IL1RAP: variants seen among roughly 807,000 people sequenced by gnomAD.
The protein encoded by IL1RAP is interleukin-1 receptor accessory protein.
A neutral mutation model predicts 60.7 loss-of-function variants in IL1RAP; 35 were observed. The ratio of observed to expected loss-of-function variants is 0.58; its 90% CI spans 0.44 to 0.76. The LOEUF is 0.76. Ranked by LOEUF, IL1RAP falls within the 30% of genes least tolerant of loss-of-function variation. IL1RAP has a pLI of 0.00. For synonymous variants in IL1RAP, 268 were observed against 250.9 expected (o/e 1.07, Z -0.64); for missense variants, 572 against 693.9 (o/e 0.82, Z 1.97).
chr3:190,618,544 C>T (rs1413299724), intron 5 of IL1RAP, among the ~76,000 whole-genome samples: 2 of 152,136 alleles, frequency 1.3e-5, no homozygotes, highest in South Asian at 2.1e-4. Flanking sequence ...CGTATTTAGT[C>T]TGATCTGTCT....
At chr3:190,603,907 C>A (rs770374167) in intron 3 of IL1RAP, among the ~76,000 whole-genome samples, 3 of 152,152 alleles carry the variant, frequency 2.0e-5, no homozygotes, top group Non-Finnish European at 4.4e-5. Context: ...CAGATCAAAT[C>A]ATTATTCAAG....
At chr3:190,629,887 G>C (rs1732636223) in intron 9 of IL1RAP, 1 of 977,820 alleles carries the variant, frequency 1.0e-6, no homozygotes, top group Admixed American at 6.0e-5. Flanking sequence ...ATTCATGGTA[G>C]ACTTCAAGAG....
Position 190,527,684 on chromosome 3 carries a change from A to ATTT in IL1RAP, c.-89+13482_-89+13484dup, listed in dbSNP as rs58914187. Among the ~76,000 whole-genome samples, 875 of 112,902 alleles carry ATTT rather than the reference A, an allele frequency of 7.8e-3. 21 individuals are homozygous for ATTT. Among genetic ancestry groups the ATTT allele is most frequent in the African/African-American group, 0.023 (688 of 29,922 alleles). 74.1% of individuals were successfully genotyped at this position (112,902 alleles called of 152,430 possible). A position where few individuals can be genotyped will look rare whatever the true frequency, so the allele number is the denominator to read the frequency against. ...GGGAACCAATATGGTGCTTGTTTACATTTTTTTTTTTTTTTTTTTGCTTTT... is the reference window on the plus strand; with the variant it reads ...GGGAACCAATATGGTGCTTGTTTACATTTTTTTTTTTTTTTTTTTTTTGCTTTT... On this transcript the variant is annotated intron_variant, in intron 1 of 11. Coordinates refer to ENST00000447382, the MANE Select transcript of IL1RAP (RefSeq NM_002182.4).
rs542988409 is a variant in IL1RAP at position 190,576,502 on chromosome 3, G to A, written c.64+12149G>A. Among the ~76,000 whole-genome samples, 340 of 152,222 alleles carry A rather than the reference G, an allele frequency of 2.2e-3. 1 individual carries two copies. Among genetic ancestry groups the A allele is most frequent in the Non-Finnish European group, 4.1e-3 (280 of 67,998 alleles). The stretch of plus-strand genomic sequence containing the variant: ...AGTCTAAAAAGAAGCTCAAGTTAAC[G>A]AGTGACAAAATAGATTCAAACTAAA... On this transcript the variant is annotated intron_variant, in intron 3 of 11. Transcript: ENST00000447382.
chr3:190,593,798 G>A (rs1469125254), intron 3 of IL1RAP, among the ~76,000 whole-genome samples: 2 of 152,058 alleles, frequency 1.3e-5, no homozygotes, highest in Non-Finnish European at 2.9e-5. Flanking sequence ...TTTGGGTGGG[G>A]ACACAGTCAA....
Position 190,620,460 on chromosome 3 carries a change from A to G in IL1RAP, c.703+20A>G, listed in dbSNP as rs186226422. On this transcript the variant is annotated intron_variant, in intron 6 of 11. Transcript: ENST00000447382. ...TAGTAGGTAAGCATGATTAGTGTCCAGTACACACAACAAGCATGTGATCAT... is the reference window on the plus strand; with the variant it reads ...TAGTAGGTAAGCATGATTAGTGTCCGGTACACACAACAAGCATGTGATCAT... 2 of 1,590,604 alleles carry G rather than the reference A, an allele frequency of 1.3e-6. No individual in the cohort carries two copies. Among genetic ancestry groups the G allele is most frequent in the African/African-American group, 1.4e-5 (1 of 73,854 alleles).
rs77244306 is a variant in IL1RAP, at chr3:190,594,417, G to A, written c.65-9711G>A. ...TTAGGGTGTGGTCCTCATTCTTACC[G>A]TTCATTATGTAGCGCCAGCTATCAT... On this transcript the variant is annotated intron_variant, in intron 3 of 11. Coordinates refer to ENST00000447382, the MANE Select transcript of IL1RAP (RefSeq NM_002182.4). Among the ~76,000 whole-genome samples, 433 of 152,242 alleles carry A rather than the reference G, an allele frequency of 2.8e-3. 1 individual carries two copies. Among genetic ancestry groups the A allele is most frequent in the African/African-American group, 8.5e-3 (354 of 41,534 alleles).
At chr3:190,659,117 C>T (rs1215856746) in exon 12 of IL1RAP, 1 of 152,076 alleles carries the variant, frequency 6.6e-6, no homozygotes, top group Non-Finnish European at 1.5e-5. Flanking sequence ...AGTGTTATGC[C>T]TTATTAACAC....
intron 9 of IL1RAP, among the ~76,000 whole-genome samples, chr3:190,634,713 TTTTTTGTTGTTG>T (rs1210253665): frequency 1.4e-5 from 2 of 142,102 alleles, no homozygotes; most frequent in Non-Finnish European, 3.0e-5. Flanking sequence ...TTGTGTTTTT[TTTTTTGTTGTTG>T]TTTTTTTTGA....
At chr3:190,529,982 A>C (rs1722856528) in intron 1 of IL1RAP, among the ~76,000 whole-genome samples, 1 of 152,188 alleles carries the variant, frequency 6.6e-6, no homozygotes, top group African/African-American at 2.4e-5. Flanking sequence ...AGGCCTAGAC[A>C]GACCCTCTGA....
intron 3 of IL1RAP, among the ~76,000 whole-genome samples, chr3:190,596,620 G>T (rs1202813533): frequency 1.3e-5 from 2 of 152,194 alleles, no homozygotes; most frequent in African/African-American, 2.4e-5. Context: ...CCTTTTGGCT[G>T]AGAGGAATGA....
chr3:190,540,938 A>T (rs542579818), intron 1 of IL1RAP, among the ~76,000 whole-genome samples: 1 of 152,256 alleles, frequency 6.6e-6, no homozygotes, highest in South Asian at 2.1e-4. Context: ...TAAGCTTGAC[A>T]GCACCATTTG....
intron 9 of IL1RAP, chr3:190,629,818 T>C (rs1732629916): frequency 2.0e-6 from 2 of 1,023,058 alleles, no homozygotes; most frequent in African/African-American, 1.7e-5. Flanking sequence ...CTACCAAAGA[T>C]AGAAAAAACT....
chr3:190,611,337 G>A (rs983089825), intron 5 of IL1RAP, among the ~76,000 whole-genome samples: 5 of 152,078 alleles, frequency 3.3e-5, no homozygotes, highest in African/African-American at 1.2e-4. Context: ...CATTTTGCAG[G>A]AGATATATAA....
chr3:190,651,430 T>C lies in IL1RAP; in HGVS notation c.*2725T>C, dbSNP rs2108870976. 1.6e-6 allele frequency: 1 copy of C among 616,592 alleles called. No homozygotes were observed. The highest frequency in any genetic ancestry group is 2.0e-6 in the Non-Finnish European group (1 of 493,506). The allele number at this position is 616,592 out of a possible 1,614,324, so 38.2% of individuals were successfully genotyped here. On this transcript the variant is annotated 3_prime_UTR_variant, in exon 12 of 12. Transcript: ENST00000447382. ...TTTTGAGAGTGTCTTTTTTATTTCA[T>C]TCATGAACTTTTGTATTTTTCATTT...
chr3:190,564,233 T>C lies in IL1RAP; in HGVS notation c.-1-56T>C, dbSNP rs189759646. ...CAGGCATGAATGCTAGTTATTATTA[T>C]TTAAGCCCTTGAAAGTAGTAAGTGA... On this transcript the variant is annotated intron_variant, in intron 2 of 11. Coordinates refer to ENST00000447382, the MANE Select transcript of IL1RAP (RefSeq NM_002182.4). 1.4e-3 allele frequency: 1,467 copies of C among 1,078,418 alleles called. 12 individuals are homozygous for C. The highest frequency in any genetic ancestry group is 0.012 in the South Asian group (923 of 80,104). 66.8% of individuals were successfully genotyped at this position (1,078,418 alleles called of 1,614,324 possible).
At chr3:190,533,854 G>A (rs1343671090) in intron 1 of IL1RAP, among the ~76,000 whole-genome samples, 1 of 152,266 alleles carries the variant, frequency 6.6e-6, no homozygotes, top group East Asian at 1.9e-4. Flanking sequence ...CTCCCTTTGC[G>A]GTTGGCAGCA....
chr3:190,631,679 C>A (rs1203947533), intron 9 of IL1RAP, among the ~76,000 whole-genome samples: 1 of 152,050 alleles, frequency 6.6e-6, no homozygotes, highest in African/African-American at 2.4e-5. Flanking sequence ...AAGACTAAGG[C>A]CTGGAATGAG....
chr3:190,651,235 A>C lies in IL1RAP; in HGVS notation c.*2530A>C. The C allele has an allele frequency of 1.0e-6, 1 of 978,558 alleles. No homozygotes were observed. The highest frequency in any genetic ancestry group is 1.2e-6 in the Non-Finnish European group (1 of 823,692). The allele number at this position is 978,558 out of a possible 1,614,324, so 60.6% of individuals were successfully genotyped here. A position where few individuals can be genotyped will look rare whatever the true frequency, so the allele number is the denominator to read the frequency against. The stretch of plus-strand genomic sequence containing the variant: ...CGTTCCATGCCCAGGTTAACAAAGA[A>C]CTGTGATATATAGAGTGTCTAATTA... On this transcript the variant is annotated 3_prime_UTR_variant, in exon 12 of 12. Coordinates refer to ENST00000447382, the MANE Select transcript of IL1RAP (RefSeq NM_002182.4).
Sources: allele counts gnomAD v4.1 joint callset (sites outside exome capture counted in the v4.1 genomes callset), GRCh38; gene constraint gnomAD v4.1.1; transcripts MANE v1.5; gene names NCBI Gene and HGNC (gene_info 2026-07-23, HGNC 2026-07-21).